The following STAG1 variants were observed in gnomAD, a reference collection of about 807,000 sequenced individuals.
The protein encoded by STAG1 is STAG1 cohesin complex component.
A neutral mutation model predicts 170.9 loss-of-function variants in STAG1; 26 were observed. That is an observed-to-expected ratio of 0.15 (90% CI 0.11 to 0.21). The LOEUF (loss-of-function observed/expected upper bound fraction) is 0.21, where lower values mean the gene tolerates loss of function less well. Among genes scored for constraint, STAG1 ranks in the 10% least tolerant of loss-of-function variants. The pLI is 1.00. For synonymous variants in STAG1, 514 were observed against 497.7 expected, an observed-to-expected ratio of 1.03 and a Z score of -0.44; for missense variants, 964 against 1,509.5, an observed-to-expected ratio of 0.64 and a Z score of 5.99.
At chr3:136,489,037 C>G (rs2090071995) in intron 9 of STAG1, among the ~76,000 whole-genome samples, 1 of 152,086 alleles carries the variant, frequency 6.6e-6, no homozygotes, top group Non-Finnish European at 1.5e-5. Context: ...ATAAGACAGA[C>G]TAATTTTTAC....
chr3:136,354,877 T>C (rs1354169420), intron 28 of STAG1, among the ~76,000 whole-genome samples: 2 of 151,386 alleles, frequency 1.3e-5, no homozygotes, highest in African/African-American at 2.4e-5. Flanking sequence ...GCTGTCTACA[T>C]GAAACACACT....
At chr3:136,603,119 A>G (rs1402062520) in intron 4 of STAG1, among the ~76,000 whole-genome samples, 2 of 152,140 alleles carry the variant, frequency 1.3e-5, no homozygotes, top group Non-Finnish European at 2.9e-5. Flanking sequence ...AATACAGGTA[A>G]AAAATATAAT....
At chr3:136,364,239 T>G (rs865976896) in intron 25 of STAG1, among the ~76,000 whole-genome samples, 1 of 151,662 alleles carries the variant, frequency 6.6e-6, no homozygotes, top group African/African-American at 2.4e-5. Context: ...TGTGCCACCA[T>G]GATCGGGTAA....
chr3:136,701,161 A>G (rs1385100193), intron 1 of STAG1, among the ~76,000 whole-genome samples: 2 of 152,070 alleles, frequency 1.3e-5, no homozygotes, highest in African/African-American at 4.8e-5. Context: ...GGCCTCCCAA[A>G]GTGAGCCACT....
chr3:136,383,812 G>C (rs1188934475), intron 22 of STAG1, among the ~76,000 whole-genome samples: 3 of 151,914 alleles, frequency 2.0e-5, no homozygotes, highest in African/African-American at 7.3e-5. Context: ...AAAATTAGCT[G>C]AGCGTGGTGG....
intron 6 of STAG1, among the ~76,000 whole-genome samples, chr3:136,531,610 G>A (rs1935370806): frequency 1.3e-5 from 2 of 151,588 alleles, no homozygotes; most frequent in Admixed American, 6.6e-5. Context: ...GTCCTTTGTA[G>A]GGACATGGAT....
intron 7 of STAG1, among the ~76,000 whole-genome samples, chr3:136,513,886 G>A (rs113228819): frequency 1.2e-3 from 178 of 152,044 alleles, no homozygotes; most frequent in African/African-American, 2.5e-3. Flanking sequence ...AAACAATTAA[G>A]TAGCATCTAA....
At chr3:136,436,309 T>TCTCA (rs1445997289) in intron 15 of STAG1, among the ~76,000 whole-genome samples, 1 of 151,734 alleles carries the variant, frequency 6.6e-6, no homozygotes, top group Admixed American at 6.6e-5. Context: ...GGAAGTGGAG[T>TCTCA]CTCACTCTGT....
chr3:136,741,192 T>C (rs1367692924), intron 1 of STAG1, among the ~76,000 whole-genome samples: 1 of 152,228 alleles, frequency 6.6e-6, no homozygotes, highest in Non-Finnish European at 1.5e-5. Flanking sequence ...TCACTACTTG[T>C]GCAGGTTTCA....
intron 15 of STAG1, among the ~76,000 whole-genome samples, chr3:136,439,101 CAT>C (rs1395812431): frequency 1.1e-4 from 16 of 145,294 alleles, no homozygotes; most frequent in Non-Finnish European, 1.2e-4. Context: ...GAGGCTGACA[CAT>C]GAGAATCGCT....
At chr3:136,447,660 G>A (rs1164241565) in intron 14 of STAG1, among the ~76,000 whole-genome samples, 2 of 139,554 alleles carry the variant, frequency 1.4e-5, no homozygotes, top group Non-Finnish European at 3.0e-5. Flanking sequence ...AGGCTGGAGG[G>A]CAGTGGTGCG....
intron 4 of STAG1, among the ~76,000 whole-genome samples, chr3:136,599,381 A>G (rs1471333321): frequency 6.6e-6 from 1 of 152,052 alleles, no homozygotes; most frequent in Non-Finnish European, 1.5e-5. Context: ...AAATAAAAAA[A>G]TTAGCCGAGC....
chr3:136,517,388 A>G (rs1934434085), intron 7 of STAG1, among the ~76,000 whole-genome samples: 1 of 152,212 alleles, frequency 6.6e-6, no homozygotes, highest in Non-Finnish European at 1.5e-5. Context: ...AAAATTATGT[A>G]GGTGAGAAAA....
rs1937610884 is a variant in STAG1, at chr3:136,582,459, A to G, written c.298-13598T>C. Among the ~76,000 whole-genome samples the G allele has an allele frequency of 2.0e-5, 3 of 152,238 alleles. No individual in the cohort carries two copies. The South Asian group carries it at 6.2e-4, about 31-fold the overall frequency. ...AAAAGGAAGGAAAAAATCCTTTGCTAGTTGCTAATGGTATAATGCCAGGCT... is the reference window on the plus strand; with the variant it reads ...AAAAGGAAGGAAAAAATCCTTTGCTGGTTGCTAATGGTATAATGCCAGGCT... On this transcript the variant is annotated intron_variant, in intron 4 of 33. Transcript: ENST00000383202.
chr3:136,478,186 T>A (rs151143602), intron 9 of STAG1, among the ~76,000 whole-genome samples: 2 of 152,206 alleles, frequency 1.3e-5, no homozygotes, highest in African/African-American at 2.4e-5. Flanking sequence ...TAATAATATA[T>A]TTTTTAGGCT....
At chr3:136,656,124 C>T (rs1315056578) in intron 1 of STAG1, among the ~76,000 whole-genome samples, 2 of 151,492 alleles carry the variant, frequency 1.3e-5, no homozygotes, top group African/African-American at 4.9e-5. Context: ...ATGAAACTTG[C>T]TTTCATTATG....
At chr3:136,466,671 C>G (rs949302646) in intron 12 of STAG1, among the ~76,000 whole-genome samples, 1 of 151,916 alleles carries the variant, frequency 6.6e-6, no homozygotes, top group Non-Finnish European at 1.5e-5. Flanking sequence ...AGATACTCCT[C>G]GAGAAGAGCA....
chr3:136,442,194 T>TCA (rs369613052), intron 15 of STAG1, among the ~76,000 whole-genome samples: 6 of 151,894 alleles, frequency 4.0e-5, no homozygotes, highest in East Asian at 3.9e-4. Flanking sequence ...CAAGACTCAA[T>TCA]CACACACACA....
Position 136,524,787 on chromosome 3 carries a change from TGA to T in STAG1, c.472-3372_472-3371del, listed in dbSNP as rs1053708058. 1.4e-3 allele frequency among the ~76,000 whole-genome samples: 216 copies of T among 152,336 alleles called. 1 individual carries two copies. The highest frequency in any genetic ancestry group is 4.8e-3 in the African/African-American group (200 of 41,580). ...TACGTCCCATCAATACCTAATTTAT[TGA>T]GAGTTTTTAGCATGAAGGCTGTTGA... On this transcript the variant is annotated intron_variant, in intron 6 of 33. Coordinates refer to ENST00000383202, the MANE Select transcript of STAG1 (RefSeq NM_005862.3).
Sources: allele counts gnomAD v4.1 joint callset (sites outside exome capture counted in the v4.1 genomes callset), GRCh38; gene constraint gnomAD v4.1.1; transcripts MANE v1.5; gene names NCBI Gene and HGNC (gene_info 2026-07-23, HGNC 2026-07-21).